The following PEX1 variants were observed in gnomAD, a reference collection of about 807,000 sequenced individuals.
The protein encoded by PEX1 is peroxisomal ATPase PEX1.
PEX1 carries 97 observed loss-of-function variants against 152.5 expected under a neutral mutation model. The observed-to-expected ratio is 0.64, with a 90% CI of 0.54 to 0.75. The LOEUF (loss-of-function observed/expected upper bound fraction) is 0.75. PEX1 is among the 30% of genes least tolerant of loss of function. PEX1 has a pLI of 0.00. For missense variants in PEX1, 1,357 were observed against 1,516.3 expected (o/e 0.89, Z 1.74); for synonymous variants, 485 against 531.6 (o/e 0.91, Z 1.21).
Position 92,509,389 on chromosome 7 carries a change from T to C in PEX1, c.1610A>G (p.Lys537Arg). ...GTCAATTTCCTCACTGTTTTCTTCT[T>C]TTACCATAGGATCTAGAAGGACCTA... ...TIQVLLDPMV[K>R]EENSEEIDFI... is the part of the protein sequence containing the mutation. Residue 537 changes from lysine to arginine, a missense_variant, in exon 9 of 24, where the codon AAA (lysine) becomes AGA (arginine). By Grantham distance (26) the Lys-to-Arg change is conservative. Coordinates refer to ENST00000248633, the MANE Select transcript of PEX1 (RefSeq NM_000466.3). The C allele has an allele frequency of 6.2e-7, 1 of 1,612,236 alleles. No homozygotes were observed. The highest frequency in any genetic ancestry group is 1.3e-5 in the African/African-American group (1 of 75,026).
intron 1 of PEX1, 115 bp from the exon 2 acceptor site, chr7:92,522,360 C>T (rs180852485): frequency 1.4e-5 from 13 of 959,984 alleles, no homozygotes; most frequent in Non-Finnish European, 1.9e-5. Flanking sequence ...ATAGATAGTT[C>T]TCTGTTATCT....
At chr7:92,526,774 T>A (rs536498792) in intron 1 of PEX1, among the ~76,000 whole-genome samples, 4 of 152,230 alleles carry the variant, frequency 2.6e-5, no homozygotes, top group Non-Finnish European at 5.9e-5. Context: ...ACTGTACGTG[T>A]GTATACAGGA....
At position 92,501,672 on chromosome 7, in the gene PEX1, T is replaced by A; in HGVS notation, c.2418A>T (p.Lys806Asn). 6.2e-7 allele frequency: 1 copy of A among 1,612,382 alleles called. No individual in the cohort carries two copies. Among genetic ancestry groups the A allele is most frequent in the South Asian group, 1.1e-5 (1 of 91,038 alleles). The change falls in exon 15 of 24, where the codon AAA (lysine) becomes AAT (asparagine). Residue 806 changes from lysine (K) to asparagine (N), a missense_variant and splice_region_variant. By Grantham distance (94) the Lys-to-Asn change is moderately conservative (BLOSUM62 0). Coordinates refer to ENST00000248633, the MANE Select transcript of PEX1 (RefSeq NM_000466.3). ...GGAAGTCCAATGTTGTTAAAACTAATTCTGTTTAAAAATAAACAAAACTTC... is the reference window on the plus strand; with the variant it reads ...GGAAGTCCAATGTTGTTAAAACTAAATCTGTTTAAAAATAAACAAAACTTC... ...LSRQSISTRE[K>N]LVLTTLDFQK...
At position 92,487,504 on chromosome 7, in the gene PEX1, G is replaced by T. The variant is rs1223100799; in HGVS notation, c.3805C>A (p.Gln1269Lys). The T allele has an allele frequency of 4.4e-6, 7 of 1,593,684 alleles. No homozygotes were observed. The highest frequency in any genetic ancestry group is 2.2e-5 in the East Asian group (1 of 44,482). ...CCAGGTCGAAACATTGTTCCACTTTGATTTTTTCTCCTCTTTGGATTTTGA... is the reference window on the plus strand; with the variant it reads ...CCAGGTCGAAACATTGTTCCACTTTTATTTTTTCTCCTCTTTGGATTTTGA... The part of the protein sequence containing the change: ...SFQNPKRRKN[Q>K]SGTMFRPGQK... The change falls in exon 24 of 24, where the codon CAA becomes AAA. Residue 1269 changes from glutamine (Q) to lysine (K), a missense_variant. Coordinates refer to ENST00000248633, the MANE Select transcript of PEX1 (RefSeq NM_000466.3).
Position 92,518,062 on chromosome 7 carries a change from C to T in PEX1, c.473-20G>A, listed in dbSNP as rs778212855. The T allele has an allele frequency of 1.9e-6, 3 of 1,613,824 alleles. No homozygotes were observed. Among genetic ancestry groups the T allele is most frequent in the East Asian group, 2.2e-5 (1 of 44,864 alleles). ...GTGCAACTGTGTAGAAAATAAAGCTCATTAGTGCACATTCATTTCTACTTT... is the reference window on the plus strand; with the variant it reads ...GTGCAACTGTGTAGAAAATAAAGCTTATTAGTGCACATTCATTTCTACTTT... On this transcript the variant is annotated intron_variant, in intron 4 of 23. Transcript: ENST00000248633.
intron 5 of PEX1, 130 bp from the exon 6 acceptor site, chr7:92,514,097 A>C (rs1792610134): frequency 3.2e-6 from 2 of 629,974 alleles, no homozygotes; most frequent in East Asian, 5.9e-5. Flanking sequence ...ATAATAACTC[A>C]TAGTTGTCTC....
At chr7:92,509,983 A>C (rs904758554) in intron 8 of PEX1, among the ~76,000 whole-genome samples, 2 of 152,040 alleles carry the variant, frequency 1.3e-5, no homozygotes, top group Non-Finnish European at 2.9e-5. Flanking sequence ...GTCTCTACTA[A>C]AACTACAAAA....
Position 92,489,368 on chromosome 7 carries a change from T to C in PEX1, c.3692A>G (p.Gln1231Arg), listed in dbSNP as rs766682184. The part of the protein sequence containing the change: ...GPIKTRLAIS[Q>R]SHLMTALGHT... ...ACCAAGTGCAGTCATTAAATGTGAC[T>C]GACTAATAGCCAGTCTGGTTTTGAT... The change falls in exon 23 of 24, where the codon CAG becomes CGG. Residue 1231 changes from glutamine (Q) to arginine (R), a missense_variant. Gln to Arg is a conservative substitution (Grantham distance 43). Coordinates refer to ENST00000248633, the MANE Select transcript of PEX1 (RefSeq NM_000466.3). The C allele has an allele frequency of 8.1e-6, 13 of 1,612,332 alleles. No individual in the cohort carries two copies. Among genetic ancestry groups the C allele is most frequent in the Non-Finnish European group, 8.5e-6 (10 of 1,178,564 alleles).
chr7:92,503,124 G>A lies in PEX1; in HGVS notation c.2143C>T (p.Gln715Ter), dbSNP rs1792015267. Reference protein sequence around the residue: ...LVALIATSQSQQSLHPLLVSA... With the variant: ...LVALIATSQS ...ACAAGTAAAGGATGTAGAGATTGCT[G>A]AGACTGACTTGTGGCAATCAGTGCA... The change falls in exon 13 of 24, where the codon CAG becomes TAG. Residue 715 changes from glutamine to a stop codon, truncating the protein, a stop_gained. Transcript: ENST00000248633. LOFTEE classifies it high-confidence loss of function. 1 of 1,613,286 alleles carries A rather than the reference G, an allele frequency of 6.2e-7. No homozygotes were observed.
chr7:92,518,076 C>A (rs139573333), intron 4 of PEX1, 34 bp from the exon 5 acceptor site: 3 of 1,612,664 alleles, frequency 1.9e-6, no homozygotes, highest in African/African-American at 2.7e-5. Flanking sequence ...AGTGCACATT[C>A]ATTTCTACTT....
chr7:92,494,414 A>T lies in PEX1; in HGVS notation c.2927-18T>A, dbSNP rs748235777. 6.2e-6 allele frequency: 10 copies of T among 1,611,696 alleles called. No homozygotes were observed. In the East Asian group the frequency reaches 1.1e-4, roughly 18 times the overall value. ...ATAAACACCTAGAGGAAAAAAGAACATTTTTTTACCAAAATCTGATGACAT... is the reference window on the plus strand; with the variant it reads ...ATAAACACCTAGAGGAAAAAAGAACTTTTTTTTACCAAAATCTGATGACAT... On this transcript the variant is annotated intron_variant, in intron 18 of 23. Transcript: ENST00000248633.
chr7:92,501,742 C>G, intron 14 of PEX1, 69 bp from the exon 15 acceptor site: 1 of 1,427,208 alleles, frequency 7.0e-7, no homozygotes. Context: ...AATATGCCAT[C>G]ATCTTAGCTG....
chr7:92,507,475 T>C (rs1022542724), intron 9 of PEX1: 20 of 254,362 alleles, frequency 7.9e-5, no homozygotes, highest in Admixed American at 1.5e-4. Flanking sequence ...AGTCTCCAAC[T>C]CCTGGGCTCA....
At chr7:92,503,276 A>T in intron 12 of PEX1, 81 bp from the exon 13 acceptor site, 1 of 1,250,670 alleles carries the variant, frequency 8.0e-7, no homozygotes, top group Non-Finnish European at 1.1e-6. Flanking sequence ...AAAAATAATG[A>T]TACTCTAAGG....
intron 23 of PEX1, 94 bp downstream of exon 23, chr7:92,489,199 A>G (rs552665097): frequency 3.1e-4 from 359 of 1,152,150 alleles, no homozygotes; most frequent in South Asian, 8.3e-4. Flanking sequence ...TATTCAAAAT[A>G]TTTTTATTTT....
chr7:92,528,228 G>T (rs999786245), intron 1 of PEX1, 79 bp downstream of exon 1: 2 of 1,529,934 alleles, frequency 1.3e-6, no homozygotes, highest in African/African-American at 1.4e-5. Flanking sequence ...GGCAGCCGGT[G>T]TCCCGCCGCG....
At chr7:92,509,028 G>A (rs990328815) in intron 9 of PEX1, among the ~76,000 whole-genome samples, 3 of 150,634 alleles carry the variant, frequency 2.0e-5, no homozygotes, top group African/African-American at 4.9e-5. Flanking sequence ...TCTTCTCATC[G>A]ATCAATTCTC....
Position 92,513,976 on chromosome 7 carries a change from T to TA in PEX1, c.1240-10dup. Reference sequence around the variant, plus strand: ...CTCAGGTCATCTGGAATCTGAAATTTAAAAATAAACAAAAATATAAATATA... The same window carrying TA: ...CTCAGGTCATCTGGAATCTGAAATTTAAAAAATAAACAAAAATATAAATATA... On this transcript the variant is annotated splice_polypyrimidine_tract_variant and intron_variant, in intron 5 of 23. Coordinates refer to ENST00000248633, the MANE Select transcript of PEX1 (RefSeq NM_000466.3). 1 of 1,523,602 alleles carries TA rather than the reference T, an allele frequency of 6.6e-7. No individual in the cohort carries two copies. Among genetic ancestry groups the TA allele is most frequent in the Non-Finnish European group, 9.0e-7 (1 of 1,105,158 alleles). 94.4% of individuals were successfully genotyped at this position (1,523,602 alleles called of 1,614,324 possible). A position where few individuals can be genotyped will look rare whatever the true frequency, so the allele number is the denominator to read the frequency against.
In PEX1 at chr7:92,512,140, C is replaced by T. The variant is rs150634074; in HGVS notation, c.1360-437G>A. 5.8e-3 allele frequency among the ~76,000 whole-genome samples: 887 copies of T among 152,192 alleles called. 6 individuals carry two copies. The highest frequency in any genetic ancestry group is 0.02 in the African/African-American group (845 of 41,532). ...CTCTGCCTCCCGGGTTCAAGCGATT[C>T]GCTTGCCTCAGGCTCCCAAGTAGCT... On this transcript the variant is annotated intron_variant, in intron 6 of 23. Coordinates refer to ENST00000248633, the MANE Select transcript of PEX1 (RefSeq NM_000466.3).
Sources: gnomAD v4.1 joint callset for allele counts (sites outside exome capture counted in the v4.1 genomes callset) on GRCh38, gnomAD v4.1.1 for gene constraint, MANE v1.5 for transcripts, NCBI Gene and HGNC (gene_info 2026-07-23, HGNC 2026-07-21) for gene names.